EDA: variants seen among roughly 807,000 people sequenced by gnomAD.
EDA encodes ectodysplasin-A.
EDA carries 2 observed loss-of-function variants against 23.6 expected under a neutral mutation model. That is an observed-to-expected ratio of 0.08 (90% CI 0.03 to 0.27). EDA has a LOEUF of 0.27. EDA is among the 10% of genes least tolerant of loss of function. The pLI, the probability that EDA is intolerant of heterozygous loss-of-function variation, is 1.00. For synonymous variants in EDA, 131 were observed against 132.0 expected (o/e 0.99, Z 0.05); for missense variants, 229 against 324.2 (o/e 0.71, Z 2.26).
At chrX:69,679,816 T>C (rs868074157) in intron 1 of EDA, among the ~76,000 whole-genome samples, 1 of 110,159 alleles carries the variant, frequency 9.1e-6, no homozygotes, top group African/African-American at 3.3e-5. Flanking sequence ...GTGTCTCTAT[T>C]TCCTTCAGTT....
At chrX:69,752,892 A>T (rs2013942863) in intron 1 of EDA, among the ~76,000 whole-genome samples, 1 of 111,944 alleles carries the variant, frequency 8.9e-6, no homozygotes. Flanking sequence ...CTCTGATGGT[A>T]GTTTGTATAT....
chrX:69,836,440 G>A (rs953932600), intron 1 of EDA, among the ~76,000 whole-genome samples: 12 of 112,399 alleles, frequency 1.1e-4, no homozygotes, highest in Non-Finnish European at 1.3e-4. Flanking sequence ...CCTCAGCAAT[G>A]GCAGACGCCC....
intron 1 of EDA, among the ~76,000 whole-genome samples, chrX:69,880,929 G>A (rs2017735857): frequency 8.9e-6 from 1 of 111,841 alleles, no homozygotes; most frequent in South Asian, 3.8e-4. Flanking sequence ...ATTACCTAGT[G>A]GTTAAAGCCC....
At chrX:69,979,581 T>G (rs764012773) in intron 2 of EDA, among the ~76,000 whole-genome samples, 4 of 111,919 alleles carry the variant, frequency 3.6e-5, no homozygotes, top group African/African-American at 1.3e-4. Flanking sequence ...TTTGATTATA[T>G]CATAGTGGGT....
intron 1 of EDA, among the ~76,000 whole-genome samples, chrX:69,948,436 A>G (rs1021865912): frequency 8.9e-6 from 1 of 111,803 alleles, no homozygotes; most frequent in East Asian, 2.8e-4. Context: ...AAGACATGGC[A>G]ATCCCTGGCA....
chrX:69,799,796 A>G, intron 1 of EDA, among the ~76,000 whole-genome samples: 1 of 80,539 alleles, frequency 1.2e-5, no homozygotes, highest in Admixed American at 1.5e-4. Flanking sequence ...CATTGTCAAA[A>G]ACAGTATGCA....
intron 1 of EDA, among the ~76,000 whole-genome samples, chrX:69,868,701 G>A (rs2017522325): frequency 8.9e-6 from 1 of 112,335 alleles, no homozygotes; most frequent in Non-Finnish European, 1.9e-5. Flanking sequence ...TACTCCTGAG[G>A]TAGGATAGTA....
chrX:69,642,932 A>G (rs1342090931), intron 1 of EDA, among the ~76,000 whole-genome samples: 1 of 111,697 alleles, frequency 9.0e-6, no homozygotes, highest in Non-Finnish European at 1.9e-5. Flanking sequence ...TTGAGAAAAT[A>G]CTATAAGGGA....
intron 2 of EDA, among the ~76,000 whole-genome samples, chrX:70,000,335 A>G (rs111524358): frequency 8.9e-6 from 1 of 112,471 alleles, no homozygotes; most frequent in Non-Finnish European, 1.9e-5. Context: ...AAGAGAATGG[A>G]TTAAAAAGAT....
chrX:69,668,455 T>G (rs2147264076), intron 1 of EDA, among the ~76,000 whole-genome samples: 1 of 112,237 alleles, frequency 8.9e-6, no homozygotes, highest in East Asian at 2.8e-4. Context: ...AAAGGTTTTT[T>G]TATACATTTG....
Position 69,952,761 on chromosome X carries a change from C to A in EDA, c.397-4266C>A, listed in dbSNP as rs147204900. ...TCCCTCAACTCTCCTCTTCTGGGGG[C>A]TTGAGTTCTCACAAGCTCCTATTAG... On this transcript the variant is annotated intron_variant, in intron 1 of 7. Transcript: ENST00000374552. Among the ~76,000 whole-genome samples, 165 of 111,675 alleles carry A rather than the reference C, an allele frequency of 1.5e-3. 1 individual carries two copies. The highest frequency in any genetic ancestry group is 5.1e-3 in the African/African-American group (157 of 30,772).
At chrX:69,832,523 CTT>C (rs1392296142) in intron 1 of EDA, among the ~76,000 whole-genome samples, 1 of 111,549 alleles carries the variant, frequency 9.0e-6, no homozygotes, top group Non-Finnish European at 1.9e-5. Context: ...AATGCAGGCT[CTT>C]TTTTGGTTCC....
chrX:70,034,157 T>C (rs752971941), intron 7 of EDA, among the ~76,000 whole-genome samples: 1 of 111,459 alleles, frequency 9.0e-6, no homozygotes, highest in East Asian at 2.8e-4. Flanking sequence ...TCTACTTCCG[T>C]TCCCCCATTG....
At chrX:69,921,075 T>G (rs2018425150) in intron 1 of EDA, among the ~76,000 whole-genome samples, 1 of 111,272 alleles carries the variant, frequency 9.0e-6, no homozygotes, top group Non-Finnish European at 1.9e-5. Flanking sequence ...GCTTTGGCCT[T>G]TGGGAGGTCT....
chrX:69,909,682 CT>C (rs1177883340), intron 1 of EDA, among the ~76,000 whole-genome samples: 1 of 112,526 alleles, frequency 8.9e-6, no homozygotes, highest in East Asian at 2.8e-4. Context: ...GAGAAAAAAA[CT>C]TTACAACATT....
intron 1 of EDA, among the ~76,000 whole-genome samples, chrX:69,706,834 A>T (rs1255694547): frequency 1.8e-5 from 2 of 111,336 alleles, no homozygotes; most frequent in African/African-American, 6.5e-5. Context: ...GACTATGTTG[A>T]TGTTAATGCT....
At chrX:69,711,221 A>C (rs1379299917) in intron 1 of EDA, among the ~76,000 whole-genome samples, 1 of 111,295 alleles carries the variant, frequency 9.0e-6, no homozygotes, top group Non-Finnish European at 1.9e-5. Flanking sequence ...GAATTTTGTC[A>C]AAGGCCTTTT....
chrX:69,828,506 C>T (rs917538842), intron 1 of EDA, among the ~76,000 whole-genome samples: 30 of 111,968 alleles, frequency 2.7e-4, no homozygotes, highest in Non-Finnish European at 5.3e-4. Flanking sequence ...GGAAAGGGAA[C>T]TCCCTGACCC....
At chrX:69,835,967 G>A (rs899260992) in intron 1 of EDA, among the ~76,000 whole-genome samples, 1 of 111,949 alleles carries the variant, frequency 8.9e-6, no homozygotes, top group Non-Finnish European at 1.9e-5. Flanking sequence ...CTAACAGTTA[G>A]GTCCCTCAGC....
Sources: allele counts gnomAD v4.1 joint callset (sites outside exome capture counted in the v4.1 genomes callset), GRCh38; gene constraint gnomAD v4.1.1; transcripts MANE v1.5; gene names NCBI Gene and HGNC (gene_info 2026-07-23, HGNC 2026-07-21).